ANKRD26: variants seen among roughly 807,000 people sequenced by gnomAD.
ANKRD26 encodes the protein ankyrin repeat domain 26.
In ANKRD26, 141 loss-of-function variants were observed where a neutral mutation model predicts 208.7. The ratio of observed to expected loss-of-function variants is 0.68; its 90% CI spans 0.59 to 0.78. The LOEUF is 0.78. Ranked by LOEUF, ANKRD26 falls within the 30% of genes least tolerant of loss-of-function variation. The pLI is 0.00. For synonymous variants in ANKRD26, 636 were observed against 660.4 expected (o/e 0.96, Z 0.57); for missense variants, 1,889 against 1,938.7 (o/e 0.97, Z 0.48).
chr10:27,083,108 G>A (rs1435832072), intron 5 of ANKRD26, among the ~76,000 whole-genome samples: 2 of 151,990 alleles, frequency 1.3e-5, no homozygotes, highest in East Asian at 1.9e-4. Flanking sequence ...GGAAACCTAG[G>A]AATCAGCTGA....
At chr10:26,970,365 T>A (rs2052125508), downstream of ANKRD26, among the ~76,000 whole-genome samples, 1 of 152,160 alleles carries the variant, frequency 6.6e-6, no homozygotes, top group African/African-American at 2.4e-5. Context: ...GTGAGTGTTT[T>A]CTCGTGAGAT....
Position 27,005,763 on chromosome 10 carries a change from G to T in ANKRD26, c.5000-40C>A, listed in dbSNP as rs200838712. The T allele has an allele frequency of 1.8e-4, 277 of 1,579,238 alleles. 1 individual carries two copies. The African/African-American group carries it at 3.3e-3, about 19-fold the overall frequency. On this transcript the variant is annotated intron_variant, in intron 33 of 33. Transcript: ENST00000376087. ...AAAGAATTATATTCCTTACCTAAAAGATTTCATAGTTAACTAAGTGGAAGT... is the reference window on the plus strand; with the variant it reads ...AAAGAATTATATTCCTTACCTAAAATATTTCATAGTTAACTAAGTGGAAGT...
chr10:26,983,019 C>T (rs1316777116), intron 3 of ANKRD26, among the ~76,000 whole-genome samples: 1 of 152,022 alleles, frequency 6.6e-6, no homozygotes, highest in East Asian at 1.9e-4. Flanking sequence ...GATATAAATC[C>T]AAAATTCAGT....
downstream of ANKRD26, among the ~76,000 whole-genome samples, chr10:27,000,626 G>GT (rs1390004230): frequency 5.9e-5 from 9 of 152,142 alleles, no homozygotes; most frequent in African/African-American, 1.9e-4. Flanking sequence ...TAAAATGTAA[G>GT]GAAGGTAACA....
intron 25 of ANKRD26, among the ~76,000 whole-genome samples, chr10:27,032,512 T>C (rs989338846): frequency 2.6e-5 from 4 of 152,044 alleles, no homozygotes; most frequent in Non-Finnish European, 5.9e-5. Flanking sequence ...GGTGGGCACC[T>C]GTAATCCCAG....
intron 28 of ANKRD26, among the ~76,000 whole-genome samples, chr10:27,023,652 TAAC>T (rs1294294216): frequency 1.3e-5 from 2 of 152,038 alleles, no homozygotes; most frequent in Admixed American, 6.6e-5. Context: ...AGCACAACGT[TAAC>T]AAAGTAAAAG....
chr10:26,964,277 C>T, the ANKRD26 span, among the ~76,000 whole-genome samples: 1 of 152,182 alleles, frequency 6.6e-6, no homozygotes, highest in South Asian at 2.1e-4. Flanking sequence ...GCCATGGGTA[C>T]AGAAAGCTGC....
chr10:27,028,541 G>A (rs988045032), intron 27 of ANKRD26, among the ~76,000 whole-genome samples: 2 of 134,370 alleles, frequency 1.5e-5, no homozygotes, highest in Admixed American at 8.5e-5. Flanking sequence ...AGCTGAGATC[G>A]CACCACTGCA....
At chr10:26,992,960 G>T (rs1415564134) in intron 5 of ANKRD26, among the ~76,000 whole-genome samples, 1 of 152,174 alleles carries the variant, frequency 6.6e-6, no homozygotes. Flanking sequence ...TGGTTTTGCA[G>T]CACAGCTTTC....
At chr10:27,015,676 TGAG>T in intron 30 of ANKRD26, among the ~76,000 whole-genome samples, 1 of 152,128 alleles carries the variant, frequency 6.6e-6, no homozygotes, top group East Asian at 1.9e-4. Flanking sequence ...GAGCTGAGAA[TGAG>T]GAGTGAAGAC....
downstream of ANKRD26, among the ~76,000 whole-genome samples, chr10:26,973,076 T>C (rs1018470306): frequency 1.3e-5 from 2 of 152,198 alleles, no homozygotes; most frequent in African/African-American, 2.4e-5. Context: ...TAGCCTTTCC[T>C]TGTTGAGTTC....
intron 24 of ANKRD26, 143 bp from the exon 25 acceptor site, chr10:27,033,520 C>T: frequency 1.3e-6 from 1 of 793,416 alleles, no homozygotes; most frequent in Non-Finnish European, 1.9e-6. Flanking sequence ...TTCTTGTCCT[C>T]ATATGTACAC....
At position 27,058,182 on chromosome 10, in the gene ANKRD26, C is replaced by A. The variant is rs183713484; in HGVS notation, c.1564+2163G>T. Among the ~76,000 whole-genome samples, 319 of 152,232 alleles carry A rather than the reference C, an allele frequency of 2.1e-3. 4 individuals are homozygous for A. The highest frequency in any genetic ancestry group is 7.4e-3 in the African/African-American group (308 of 41,552). ...AGAAGTGAAACTTTAAAGGCCATTT[C>A]ATCATCAAGGGACCATTTATTATTT... On this transcript the variant is annotated intron_variant, in intron 15 of 33. Coordinates refer to ENST00000376087, the MANE Select transcript of ANKRD26 (RefSeq NM_014915.3).
the ANKRD26 span, among the ~76,000 whole-genome samples, chr10:26,960,518 G>T: frequency 1.3e-5 from 2 of 152,128 alleles, no homozygotes; most frequent in Non-Finnish European, 2.9e-5. Flanking sequence ...CAGAACAGAA[G>T]ACTCACCCAG....
chr10:27,096,920 G>A (rs1589385742), intron 1 of ANKRD26, among the ~76,000 whole-genome samples: 1 of 151,944 alleles, frequency 6.6e-6, no homozygotes, highest in South Asian at 2.1e-4. Flanking sequence ...GGTGGTTCAC[G>A]CCTGTAATCC....
Position 27,033,330 on chromosome 10 carries a change from T to C in ANKRD26, c.3702A>G (p.Lys1234=). The stretch of plus-strand genomic sequence containing the variant: ...CCAGTGAAGCCTCTGACATAGATTG[T>C]TTTTTTAGGGTATCAGCTAGTTCTT... ...LQQELADTLK[K]QSMSEASLEV... Residue 1234 remains lysine (K), a synonymous_variant, in exon 25 of 34, where the codon AAA becomes AAG. Coordinates refer to ENST00000376087, the MANE Select transcript of ANKRD26 (RefSeq NM_014915.3). 1 of 1,611,716 alleles carries C rather than the reference T, an allele frequency of 6.2e-7. No homozygotes were observed.
At chr10:27,074,502 G>A (rs926754386) in intron 9 of ANKRD26, among the ~76,000 whole-genome samples, 7 of 152,128 alleles carry the variant, frequency 4.6e-5, no homozygotes, top group African/African-American at 9.7e-5. Context: ...CCAACATGGC[G>A]AAACCCTGTC....
At chr10:26,973,164 T>A (rs571018834), downstream of ANKRD26, among the ~76,000 whole-genome samples, 2 of 152,324 alleles carry the variant, frequency 1.3e-5, no homozygotes, top group African/African-American at 4.8e-5. Flanking sequence ...TTTTGCATTT[T>A]AAAAAATTTC....
chr10:27,092,458 C>T lies in ANKRD26; in HGVS notation c.586G>A (p.Glu196Lys). ...AVSGKKQQMV[E>K]FLIKKKANVN... ...TTTGCTTTTTTCTTTATTAAAAATT[C>T]CACCATTTGCTGCTTTTTTCCACTT... The change falls in exon 4 of 34, where the codon GAA (glutamate) becomes AAA (lysine). Residue 196 changes from glutamate (E) to lysine (K), a missense_variant. Physicochemically the swap from Glu to Lys is moderately conservative, Grantham distance 56. This residue lies in a region of ANKRD26 where 1,272 missense variants were observed against 1,273.8 expected (regional missense o/e 1.00). Coordinates refer to ENST00000376087, the MANE Select transcript of ANKRD26 (RefSeq NM_014915.3). The T allele has an allele frequency of 6.2e-7, 1 of 1,613,728 alleles. No homozygotes were observed.
Sources: allele counts gnomAD v4.1 joint callset (sites outside exome capture counted in the v4.1 genomes callset), GRCh38; gene constraint gnomAD v4.1.1; regional missense constraint gnomAD v4.1.1; transcripts MANE v1.5; gene names NCBI Gene and HGNC (gene_info 2026-07-23, HGNC 2026-07-21).